PREX2: variants seen among roughly 807,000 people sequenced by gnomAD.
PREX2 encodes phosphatidylinositol 3,4,5-trisphosphate-dependent Rac exchanger 2 protein.
PREX2 carries 107 observed loss-of-function variants against 203.2 expected under a neutral mutation model. That is an observed-to-expected ratio of 0.53 (90% CI 0.45 to 0.62). PREX2 has a LOEUF of 0.62. Ranked by LOEUF, PREX2 falls within the 20% of genes least tolerant of loss-of-function variation. PREX2 has a pLI of 0.00. For synonymous variants in PREX2, 672 were observed against 663.6 expected (o/e 1.01, Z -0.19); for missense variants, 1,777 against 1,955.9 (o/e 0.91, Z 1.72).
intron 6 of PREX2, among the ~76,000 whole-genome samples, chr8:68,035,018 G>A (rs1807989786): frequency 6.7e-6 from 1 of 148,668 alleles, no homozygotes; most frequent in South Asian, 2.1e-4. Context: ...GTGGAAGGGG[G>A]GAAGGTTTGA....
intron 35 of PREX2, among the ~76,000 whole-genome samples, chr8:68,180,717 G>A (rs34205192): frequency 0.1 from 15,323 of 152,166 alleles, 843 homozygotes; most frequent in African/African-American, 0.14. Context: ...TTTAAGAAGA[G>A]ATTCAGGACT....
intron 10 of PREX2, among the ~76,000 whole-genome samples, chr8:68,057,072 G>C (rs752731380): frequency 1.3e-5 from 2 of 152,112 alleles, no homozygotes; most frequent in Non-Finnish European, 2.9e-5. Context: ...TAATCCCCAC[G>C]TGTCAGGGGA....
chr8:68,228,140 A>C (rs1813088845), intron 39 of PREX2, among the ~76,000 whole-genome samples: 2 of 152,214 alleles, frequency 1.3e-5, no homozygotes, highest in South Asian at 4.1e-4. Context: ...TTGGCTCTTC[A>C]GGGCAATAAG....
At chr8:68,107,188 A>G (rs1810434794) in intron 23 of PREX2, among the ~76,000 whole-genome samples, 2 of 152,206 alleles carry the variant, frequency 1.3e-5, no homozygotes, top group South Asian at 4.1e-4. Flanking sequence ...ATGATTTGAT[A>G]GAAATTGAAG....
chr8:68,170,009 A>G (rs558628109), intron 35 of PREX2, among the ~76,000 whole-genome samples: 1 of 152,362 alleles, frequency 6.6e-6, no homozygotes, highest in Non-Finnish European at 1.5e-5. Context: ...GAGGTGGTTA[A>G]GGATGACTTA....
In PREX2 at chr8:68,196,129, G is replaced by A. The variant is rs112024285; in HGVS notation, c.4604+3604G>A. On this transcript the variant is annotated intron_variant, in intron 37 of 39. Transcript: ENST00000288368. Reference sequence around the variant, plus strand: ...CTTTTGTGTGAATGACAAGTCTCCTGAGGGACTTCCTTGTCTGTACTCTGT... The same window carrying A: ...CTTTTGTGTGAATGACAAGTCTCCTAAGGGACTTCCTTGTCTGTACTCTGT... Among the ~76,000 whole-genome samples, 300 of 152,118 alleles carry A rather than the reference G, an allele frequency of 2.0e-3. 1 individual carries two copies. The highest frequency in any genetic ancestry group is 3.4e-3 in the Non-Finnish European group (231 of 67,986).
chr8:68,163,136 C>T (rs928374294), intron 35 of PREX2, among the ~76,000 whole-genome samples: 1 of 151,840 alleles, frequency 6.6e-6, no homozygotes, highest in African/African-American at 2.4e-5. Context: ...GTGTTATAGA[C>T]AACATACAAA....
intron 11 of PREX2, among the ~76,000 whole-genome samples, chr8:68,061,078 A>G (rs905320510): frequency 1.7e-4 from 26 of 152,214 alleles, no homozygotes; most frequent in African/African-American, 4.6e-4. Context: ...GGAGTGCTTC[A>G]TGGAGGACGG....
chr8:68,169,448 G>GA (rs1563573366), intron 35 of PREX2, among the ~76,000 whole-genome samples: 3 of 151,868 alleles, frequency 2.0e-5, no homozygotes, highest in African/African-American at 7.3e-5. Context: ...CGTGGAACAG[G>GA]CACGCTGTTC....
At chr8:67,999,142 G>T (rs1806856277) in intron 1 of PREX2, among the ~76,000 whole-genome samples, 1 of 152,058 alleles carries the variant, frequency 6.6e-6, no homozygotes, top group South Asian at 2.1e-4. Context: ...AACTGAAGGA[G>T]ATTGAGATAC....
At chr8:68,217,273 T>G (rs566185520) in intron 37 of PREX2, among the ~76,000 whole-genome samples, 1 of 152,222 alleles carries the variant, frequency 6.6e-6, no homozygotes, top group Non-Finnish European at 1.5e-5. Flanking sequence ...ATGATAAATA[T>G]TCTTTAGTCA....
At chr8:68,105,099 A>T in intron 23 of PREX2, 2 of 1,358,066 alleles carry the variant, frequency 1.5e-6, no homozygotes, top group African/African-American at 1.5e-5. Flanking sequence ...TCATGCATGA[A>T]CCACCATCAA....
chr8:68,120,981 A>G lies in PREX2; in HGVS notation c.3656A>G (p.Lys1219Arg). Residue 1219 changes from lysine (K) to arginine (R), a missense_variant, in exon 30 of 40, where the codon AAG becomes AGG. By Grantham distance (26) the Lys-to-Arg change is conservative. Transcript: ENST00000288368. ...CCAAAAAGGCTACGGCTTCATATCA[A>G]GCAAGATCCTTGGAATCTTCCCAGC... ...SCPKRLRLHI[K>R]QDPWNLPSSV... is the part of the protein sequence containing the mutation. 1 of 1,613,822 alleles carries G rather than the reference A, an allele frequency of 6.2e-7. No individual in the cohort carries two copies. The highest frequency in any genetic ancestry group is 8.5e-7 in the Non-Finnish European group (1 of 1,179,738).
intron 1 of PREX2, among the ~76,000 whole-genome samples, chr8:67,978,549 A>C (rs1246368886): frequency 6.6e-6 from 1 of 152,194 alleles, no homozygotes; most frequent in Non-Finnish European, 1.5e-5. Flanking sequence ...TGGTTAAAAC[A>C]TTAGCATTGC....
At chr8:68,194,319 A>T (rs1812352500) in intron 37 of PREX2, among the ~76,000 whole-genome samples, 1 of 152,200 alleles carries the variant, frequency 6.6e-6, no homozygotes, top group Non-Finnish European at 1.5e-5. Context: ...ACAAATAAAT[A>T]TGTAATGTGG....
At chr8:68,040,600 C>G (rs951921986) in intron 7 of PREX2, among the ~76,000 whole-genome samples, 2 of 152,178 alleles carry the variant, frequency 1.3e-5, no homozygotes, top group African/African-American at 4.8e-5. Context: ...AAAAATCACT[C>G]CCTCTGTAGT....
chr8:68,226,066 T>C (rs1390871312), intron 39 of PREX2, among the ~76,000 whole-genome samples: 1 of 151,920 alleles, frequency 6.6e-6, no homozygotes, highest in Non-Finnish European at 1.5e-5. Context: ...TTAAAAACAC[T>C]CGAAACGAAA....
chr8:67,965,852 C>T (rs1380368848), intron 1 of PREX2, among the ~76,000 whole-genome samples: 1 of 151,838 alleles, frequency 6.6e-6, no homozygotes, highest in Non-Finnish European at 1.5e-5. Context: ...TTTTAGGGTC[C>T]AAAAAGGAAT....
chr8:68,147,348 C>A lies in PREX2; in HGVS notation c.4231+996C>A, dbSNP rs564857623. ...GATATGGTTTGGCTGTGTCCCCACC[C>A]AAATCTCATCTTGAATTCCCGTGTG... is the stretch of plus-strand genomic sequence containing the variant. On this transcript the variant is annotated intron_variant, in intron 34 of 39. Transcript: ENST00000288368. Among the ~76,000 whole-genome samples, 3 of 152,254 alleles carry A rather than the reference C, an allele frequency of 2.0e-5. No individual in the cohort carries two copies. The East Asian group carries it at 5.8e-4, about 29-fold the overall frequency.
Sources: gnomAD v4.1 joint callset for allele counts (sites outside exome capture counted in the v4.1 genomes callset) on GRCh38, gnomAD v4.1.1 for gene constraint, MANE v1.5 for transcripts, NCBI Gene and HGNC (gene_info 2026-07-23, HGNC 2026-07-21) for gene names.